Variants in DAB1 observed in about 807,000 individuals in gnomAD.
The protein encoded by DAB1 is DAB adaptor protein 1.
Under a neutral mutation model 64.6 loss-of-function variants are expected in DAB1, and 15 were observed. The ratio of observed to expected loss-of-function variants is 0.23; its 90% CI spans 0.16 to 0.36. DAB1 has a LOEUF of 0.36. DAB1 is among the 10% of genes least tolerant of loss of function. The pLI, the probability that DAB1 is intolerant of heterozygous loss-of-function variation, is 1.00. For synonymous variants in DAB1, 235 were observed against 251.9 expected (o/e 0.93, Z 0.64); for missense variants, 596 against 706.7 (o/e 0.84, Z 1.78).
intron 7 of DAB1, among the ~76,000 whole-genome samples, chr1:57,482,477 T>TAAAAAAAAA (rs918167439): frequency 1.1e-3 from 65 of 61,156 alleles, no homozygotes; most frequent in Middle Eastern, 0.015. Flanking sequence ...CTGAAAGTTG[T>TAAAAAAAAA]AAAAAAAAAA....
chr1:58,337,162 A>T (rs1348850219), intron 4 of DAB1, among the ~76,000 whole-genome samples: 1 of 151,936 alleles, frequency 6.6e-6, no homozygotes, highest in Non-Finnish European at 1.5e-5. Context: ...CGGGCCTGTA[A>T]TCCCAACTAC....
chr1:57,933,250 G>A (rs1211657857), intron 5 of DAB1, among the ~76,000 whole-genome samples: 2 of 152,186 alleles, frequency 1.3e-5, no homozygotes, highest in African/African-American at 4.8e-5. Flanking sequence ...CCTACAAGTT[G>A]CAATTCTCTG....
At chr1:58,473,080 T>C (rs338234) in intron 3 of DAB1, among the ~76,000 whole-genome samples, 22,474 of 152,146 alleles carry the variant, frequency 0.15, 2,349 homozygotes, top group African/African-American at 0.29. Flanking sequence ...CCACACTGTA[T>C]TGTCATGCTT....
intron 5 of DAB1, among the ~76,000 whole-genome samples, chr1:57,929,404 CT>C (rs1644924460): frequency 6.6e-6 from 1 of 152,082 alleles, no homozygotes; most frequent in South Asian, 2.1e-4. Flanking sequence ...TGTTCTTGTT[CT>C]TTTCACAAGT....
chr1:58,453,194 G>C (rs979121781), intron 3 of DAB1, among the ~76,000 whole-genome samples: 1 of 152,074 alleles, frequency 6.6e-6, no homozygotes, highest in Non-Finnish European at 1.5e-5. Context: ...ACTAGTGAGA[G>C]AGAACTAGTG....
At chr1:58,264,215 G>T (rs955088169) in intron 4 of DAB1, among the ~76,000 whole-genome samples, 8 of 152,174 alleles carry the variant, frequency 5.3e-5, no homozygotes, top group East Asian at 3.8e-4. Flanking sequence ...GACATAAAGT[G>T]CTCAGCACAG....
At chr1:57,832,861 C>G (rs971987412) in intron 1 of DAB1, among the ~76,000 whole-genome samples, 3 of 152,088 alleles carry the variant, frequency 2.0e-5, no homozygotes, top group African/African-American at 4.8e-5. Context: ...TGGGGGTGGT[C>G]CACCCAAAAC....
intron 5 of DAB1, among the ~76,000 whole-genome samples, chr1:58,102,976 T>C (rs1382792420): frequency 1.3e-5 from 2 of 151,982 alleles, no homozygotes; most frequent in Non-Finnish European, 2.9e-5. Flanking sequence ...CATTTGAGGG[T>C]GGGTACTTCA....
chr1:58,300,649 G>GAGA (rs1662143468), intron 4 of DAB1, among the ~76,000 whole-genome samples: 2 of 49,282 alleles, frequency 4.1e-5, no homozygotes, highest in Admixed American at 2.0e-4. Context: ...AGAGAGAGAG[G>GAGA]AAGGAAGGAA....
intron 1 of DAB1, among the ~76,000 whole-genome samples, chr1:57,411,480 T>G (rs951906839): frequency 6.6e-6 from 1 of 152,256 alleles, no homozygotes; most frequent in Admixed American, 6.5e-5. Flanking sequence ...CTATCCGAAA[T>G]GCCAGAGTAG....
chr1:58,362,341 C>T (rs1275515427), intron 3 of DAB1, among the ~76,000 whole-genome samples: 1 of 152,152 alleles, frequency 6.6e-6, no homozygotes, highest in Non-Finnish European at 1.5e-5. Flanking sequence ...GTGGCACATG[C>T]TGAAAGATGA....
At chr1:57,652,864 T>C (rs544923321) in intron 6 of DAB1, among the ~76,000 whole-genome samples, 2 of 152,176 alleles carry the variant, frequency 1.3e-5, no homozygotes, top group Non-Finnish European at 2.9e-5. Flanking sequence ...GAATGTCTGG[T>C]TCCAAAGCCT....
At chr1:58,200,110 A>T (rs1228153477) in intron 4 of DAB1, among the ~76,000 whole-genome samples, 1 of 152,228 alleles carries the variant, frequency 6.6e-6, no homozygotes, top group South Asian at 2.1e-4. Context: ...AGTGGGGATC[A>T]CAGACACTGG....
At chr1:57,014,550 G>C (rs1187323843) in intron 12 of DAB1, among the ~76,000 whole-genome samples, 1 of 152,168 alleles carries the variant, frequency 6.6e-6, no homozygotes, top group Admixed American at 6.5e-5. Context: ...TAACATGGTG[G>C]AAAAATACCA....
At chr1:57,945,166 C>T (rs1326095473) in intron 5 of DAB1, among the ~76,000 whole-genome samples, 1 of 152,124 alleles carries the variant, frequency 6.6e-6, no homozygotes, top group Non-Finnish European at 1.5e-5. Flanking sequence ...TGCTTCCATG[C>T]AAGGCCACAG....
intron 5 of DAB1, among the ~76,000 whole-genome samples, chr1:58,141,346 T>TA (rs1284959432): frequency 6.6e-6 from 1 of 152,014 alleles, no homozygotes; most frequent in East Asian, 1.9e-4. Context: ...CTGCCCTTTA[T>TA]AAAACCATCA....
intron 2 of DAB1, among the ~76,000 whole-genome samples, chr1:57,286,938 A>G (rs1263727061): frequency 6.6e-6 from 1 of 152,250 alleles, no homozygotes; most frequent in Non-Finnish European, 1.5e-5. Context: ...CACAGTATAA[A>G]TTATAAGAGG....
intron 3 of DAB1, among the ~76,000 whole-genome samples, chr1:58,433,539 A>G (rs1644901972): frequency 6.8e-6 from 1 of 147,272 alleles, no homozygotes; most frequent in Non-Finnish European, 1.5e-5. Flanking sequence ...CCATGGTAGA[A>G]GGCTGAAGGG....
At chr1:58,318,207 C>T (rs549448853) in intron 4 of DAB1, among the ~76,000 whole-genome samples, 3 of 152,098 alleles carry the variant, frequency 2.0e-5, no homozygotes, top group Admixed American at 6.5e-5. Context: ...TCATGCTAAC[C>T]GCACCTCATT....
Sources: gnomAD v4.1 joint callset for allele counts (sites outside exome capture counted in the v4.1 genomes callset) on GRCh38, gnomAD v4.1.1 for gene constraint, MANE v1.5 for transcripts, NCBI Gene and HGNC (gene_info 2026-07-23, HGNC 2026-07-21) for gene names.